AUNIP: variants seen among roughly 807,000 people sequenced by gnomAD.
AUNIP encodes the protein aurora kinase A- and ninein-interacting protein.
A neutral mutation model predicts 12.2 loss-of-function variants in AUNIP; 16 were observed. The observed-to-expected ratio is 1.31, with a 90% CI of 0.88 to 1.99. The LOEUF (loss-of-function observed/expected upper bound fraction) is 1.99. AUNIP is among the 30% of genes most tolerant of loss of function. AUNIP has a pLI of 0.00. For missense variants in AUNIP, 411 were observed against 419.1 expected (o/e 0.98, Z 0.17); for synonymous variants, 142 against 154.8 (o/e 0.92, Z 0.61).
At chr1:25,832,691 G>A (rs559401656), downstream of AUNIP, 327 of 156,934 alleles carry the variant, frequency 2.1e-3, 1 homozygote, top group Non-Finnish European at 3.7e-3. Context: ...GGCCTTATCA[G>A]TTCCACTGAT....
At chr1:25,842,412 G>A (rs1056370421) in intron 1 of AUNIP, among the ~76,000 whole-genome samples, 13 of 152,186 alleles carry the variant, frequency 8.5e-5, no homozygotes, top group Non-Finnish European at 1.8e-4. Flanking sequence ...AGCAGAGGCT[G>A]GTTCATGAGG....
intron 1 of AUNIP, among the ~76,000 whole-genome samples, chr1:25,856,439 G>A (rs1414389908): frequency 6.6e-6 from 1 of 151,386 alleles, no homozygotes; most frequent in Non-Finnish European, 1.5e-5. Context: ...ATCCCAGGAG[G>A]CCGAGGCAGG....
intron 1 of AUNIP, among the ~76,000 whole-genome samples, chr1:25,858,179 TAATA>T (rs2048478232): frequency 6.6e-6 from 1 of 151,934 alleles, no homozygotes; most frequent in Non-Finnish European, 1.5e-5. Context: ...AAAATAATAA[TAATA>T]AATAATAATA....
Position 25,843,592 on chromosome 1 carries a change from T to C in AUNIP, c.79-6038A>G, listed in dbSNP as rs1169674644. ...GGCAAAATAGTGAGCTCCTGTCTGT[T>C]TGAAAAAAAAAAAAAAAAAAAAAAA... On this transcript the variant is annotated intron_variant, in intron 1 of 2. Coordinates refer to ENST00000374298, the MANE Select transcript of AUNIP (RefSeq NM_024037.3). 5.8e-5 allele frequency among the ~76,000 whole-genome samples: 7 copies of C among 120,684 alleles called. No individual in the cohort carries two copies. The South Asian group carries it at 1.6e-3, about 27-fold the overall frequency. 79.2% of individuals were successfully genotyped at this position (120,684 alleles called of 152,430 possible). A position where few individuals can be genotyped will look rare whatever the true frequency, so the allele number is the denominator to read the frequency against.
Position 25,834,203 on chromosome 1 carries a change from A to C in AUNIP, c.*790T>G. On this transcript the variant is annotated 3_prime_UTR_variant, in exon 3 of 3. Transcript: ENST00000374298. Reference sequence around the variant, plus strand: ...TAAAATAGGAAACTAGCACCATTCTACCTCTCTTCTCTCCACACCTGGGTT... The same window carrying C: ...TAAAATAGGAAACTAGCACCATTCTCCCTCTCTTCTCTCCACACCTGGGTT... 1 of 985,252 alleles carries C rather than the reference A, an allele frequency of 1.0e-6. No homozygotes were observed. Among genetic ancestry groups the C allele is most frequent in the African/African-American group, 1.7e-5 (1 of 57,292 alleles). The allele number at this position is 985,252 out of a possible 1,614,324, so 61.0% of individuals were successfully genotyped here. A position where few individuals can be genotyped will look rare whatever the true frequency, so the allele number is the denominator to read the frequency against.
chr1:25,852,596 C>G (rs563999442), intron 1 of AUNIP, among the ~76,000 whole-genome samples: 9 of 151,752 alleles, frequency 5.9e-5, no homozygotes, highest in Non-Finnish European at 1.2e-4. Context: ...CCTGCCACCA[C>G]GCACAGCTAA....
chr1:25,835,986 G>T, intron 2 of AUNIP, 140 bp from the exon 3 acceptor site: 1 of 1,303,294 alleles, frequency 7.7e-7, no homozygotes, highest in Non-Finnish European at 1.0e-6. Context: ...TAACTTTGTA[G>T]CCAATCTTCC....
At chr1:25,851,301 T>C (rs2048422425) in intron 1 of AUNIP, among the ~76,000 whole-genome samples, 1 of 152,246 alleles carries the variant, frequency 6.6e-6, no homozygotes, top group Admixed American at 6.5e-5. Context: ...TGTATCTGTA[T>C]TCATAAAGGA....
intron 1 of AUNIP, among the ~76,000 whole-genome samples, chr1:25,854,309 G>C (rs893205258): frequency 4.6e-5 from 7 of 152,172 alleles, no homozygotes; most frequent in Non-Finnish European, 8.8e-5. Context: ...GAAGGGAAGA[G>C]TGTGGACATA....
rs1460853574 is a variant in AUNIP at position 25,835,438 on chromosome 1, C to G, written c.629G>C (p.Ser210Thr). Reference sequence around the variant, plus strand: ...AGGTAGTTTGGTGTGTTTCTCCATACTCTGATAGTTCTTCTTAGACTCATG... The same window carrying G: ...AGGTAGTTTGGTGTGTTTCTCCATAGTCTGATAGTTCTTCTTAGACTCATG... ...WLHESKKNYQSMEKHTKLPGD... is the reference protein window; with the variant it reads ...WLHESKKNYQTMEKHTKLPGD... The change falls in exon 3 of 3, where the codon AGT (serine) becomes ACT (threonine). Residue 210 changes from serine (S) to threonine (T), a missense_variant. Transcript: ENST00000374298. The G allele has an allele frequency of 1.9e-6, 3 of 1,614,252 alleles. No individual in the cohort carries two copies. The East Asian group carries it at 6.7e-5, about 36-fold the overall frequency.
chr1:25,833,974 G>T, downstream of AUNIP: 3 of 946,486 alleles, frequency 3.2e-6, no homozygotes, highest in Non-Finnish European at 3.8e-6. Flanking sequence ...AATAAAATTG[G>T]TAATGGTTTA....
chr1:25,831,926 G>A (rs369289953), downstream of AUNIP: 22 of 1,613,802 alleles, frequency 1.4e-5, no homozygotes, highest in East Asian at 6.7e-5. Flanking sequence ...TCTAGGAACC[G>A]GAGTTTATTG....
chr1:25,850,430 A>G (rs2048417871), intron 1 of AUNIP, among the ~76,000 whole-genome samples: 1 of 152,176 alleles, frequency 6.6e-6, no homozygotes. Flanking sequence ...CTCGGATGTC[A>G]TGAATTTCTG....
At position 25,835,676 on chromosome 1, in the gene AUNIP, C is replaced by G. The variant is rs570224400; in HGVS notation, c.391G>C (p.Gly131Arg). 4 of 1,614,172 alleles carry G rather than the reference C, an allele frequency of 2.5e-6. No individual in the cohort carries two copies. In the South Asian group the frequency reaches 4.4e-5, roughly 18 times the overall value. Residue 131 changes from glycine (G) to arginine (R), a missense_variant, in exon 3 of 3, where the codon GGA becomes CGA. Coordinates refer to ENST00000374298, the MANE Select transcript of AUNIP (RefSeq NM_024037.3). ...TSTTADIQEAGLSPQSLQTSG... is the reference protein window; with the variant it reads ...TSTTADIQEARLSPQSLQTSG... ...GTCTGGAGGGACTGAGGAGAGAGTC[C>G]AGCTTCCTGGATGTCTGCAGTGGTT...
At chr1:25,831,975 A>G, downstream of AUNIP, 2 of 1,614,214 alleles carry the variant, frequency 1.2e-6, no homozygotes, top group South Asian at 1.1e-5. Context: ...CTGAGGTCCT[A>G]AGGAGGAAGT....
chr1:25,845,046 T>C (rs1326683997), intron 1 of AUNIP, among the ~76,000 whole-genome samples: 2 of 152,204 alleles, frequency 1.3e-5, no homozygotes, highest in Non-Finnish European at 2.9e-5. Context: ...GTTAGCTCTG[T>C]TGAATTAGTA....
intron 1 of AUNIP, among the ~76,000 whole-genome samples, chr1:25,850,293 ATGTG>A (rs1375224269): frequency 6.6e-6 from 1 of 152,012 alleles, no homozygotes; most frequent in Admixed American, 6.6e-5. Context: ...TTGATCTATA[ATGTG>A]TCTACCTTTA....
At chr1:25,853,779 T>C (rs1171889456) in intron 1 of AUNIP, among the ~76,000 whole-genome samples, 1 of 152,172 alleles carries the variant, frequency 6.6e-6, no homozygotes, top group East Asian at 1.9e-4. Flanking sequence ...GATAGCTCAC[T>C]AACATGGCTG....
In AUNIP at chr1:25,835,019, T is replaced by G; in HGVS notation, c.1048A>C (p.Asn350His). ...DLLFTQDSEG[N>H]QVIRHQF ...TAGAATTGGTGTCTGATAACTTGAT[T>G]ACCTTCAGAGTCCTGGGTAAAGAGC... is the stretch of plus-strand genomic sequence containing the variant. The change falls in exon 3 of 3, where the codon AAT becomes CAT. Residue 350 changes from asparagine (N) to histidine (H), a missense_variant. Asn to His is a moderately conservative substitution (Grantham distance 68). Transcript: ENST00000374298. The G allele has an allele frequency of 6.2e-7, 1 of 1,610,646 alleles. No individual in the cohort carries two copies. The highest frequency in any genetic ancestry group is 1.3e-5 in the African/African-American group (1 of 74,786).
Sources: gnomAD v4.1 joint callset for allele counts (sites outside exome capture counted in the v4.1 genomes callset) on GRCh38, gnomAD v4.1.1 for gene constraint, MANE v1.5 for transcripts, NCBI Gene and HGNC (gene_info 2026-07-23, HGNC 2026-07-21) for gene names.